PDZRN4: variants seen among roughly 807,000 people sequenced by gnomAD.
PDZRN4 encodes the protein PDZ domain containing ring finger 4.
PDZRN4 carries 70 observed loss-of-function variants against 99.0 expected under a neutral mutation model. That is an observed-to-expected ratio of 0.71 (90% CI 0.58 to 0.86). The LOEUF (loss-of-function observed/expected upper bound fraction) is 0.86, where lower values mean the gene tolerates loss of function less well. Ranked by LOEUF, PDZRN4 falls within the 40% of genes least tolerant of loss-of-function variation. The probability of loss-of-function intolerance (pLI) is 0.00; values close to 1 mark genes in which losing one functional copy is unlikely to be tolerated. For synonymous variants in PDZRN4, 551 were observed against 501.6 expected (o/e 1.10, Z -1.32); for missense variants, 1,474 against 1,331.2 (o/e 1.11, Z -1.67).
chr12:41,444,802 A>G (rs1043648503), intron 3 of PDZRN4, among the ~76,000 whole-genome samples: 2 of 152,088 alleles, frequency 1.3e-5, no homozygotes, highest in African/African-American at 2.4e-5. Context: ...ATCTTGAGCT[A>G]TGATGTTCAG....
At chr12:41,483,302 C>T (rs1316586164) in intron 3 of PDZRN4, among the ~76,000 whole-genome samples, 1 of 152,094 alleles carries the variant, frequency 6.6e-6, no homozygotes, top group Non-Finnish European at 1.5e-5. Flanking sequence ...CAAGATCCTA[C>T]ACAGTAAGCT....
chr12:41,325,752 A>G (rs961443215), intron 3 of PDZRN4, among the ~76,000 whole-genome samples: 1 of 150,264 alleles, frequency 6.7e-6, no homozygotes, highest in African/African-American at 2.4e-5. Flanking sequence ...AGTCAGAGTG[A>G]TTAAAAAACA....
At position 41,188,352 on chromosome 12, in the gene PDZRN4, G is replaced by A; in HGVS notation, c.-104G>A. On this transcript the variant is annotated 5_prime_UTR_variant, in exon 1 of 10. Transcript: ENST00000402685. Reference sequence around the variant, plus strand: ...CTCCCACCCGCCACCTCCCTCCACTGCCGCCGCCGCGAGACGGCTGCCCCG... The same window carrying A: ...CTCCCACCCGCCACCTCCCTCCACTACCGCCGCCGCGAGACGGCTGCCCCG... The A allele has an allele frequency of 8.7e-7, 1 of 1,154,764 alleles. No homozygotes were observed. The allele number at this position is 1,154,764 out of a possible 1,614,324, so 71.5% of individuals were successfully genotyped here. A position where few individuals can be genotyped will look rare whatever the true frequency, so the allele number is the denominator to read the frequency against.
At chr12:41,414,439 A>T (rs1489381830) in intron 3 of PDZRN4, among the ~76,000 whole-genome samples, 1 of 152,108 alleles carries the variant, frequency 6.6e-6, no homozygotes, top group Non-Finnish European at 1.5e-5. Context: ...TTTATTTCTC[A>T]AGAATGCCAA....
At chr12:41,207,276 G>A (rs902546138) in intron 3 of PDZRN4, among the ~76,000 whole-genome samples, 1 of 151,614 alleles carries the variant, frequency 6.6e-6, no homozygotes. Flanking sequence ...TTCAGTCATT[G>A]AGGCATACTT....
chr12:41,320,820 A>G (rs1010691169), intron 3 of PDZRN4, among the ~76,000 whole-genome samples: 4 of 152,220 alleles, frequency 2.6e-5, no homozygotes, highest in Non-Finnish European at 4.4e-5. Context: ...CAAGTTAATT[A>G]GAATAAATAA....
intron 3 of PDZRN4, among the ~76,000 whole-genome samples, chr12:41,353,188 T>A (rs1951903508): frequency 6.6e-6 from 1 of 152,016 alleles, no homozygotes; most frequent in East Asian, 1.9e-4. Context: ...CAGAATAGGA[T>A]TTTTTTTCTT....
At chr12:41,268,957 G>T (rs1951296789) in intron 3 of PDZRN4, among the ~76,000 whole-genome samples, 3 of 152,272 alleles carry the variant, frequency 2.0e-5, no homozygotes, top group South Asian at 4.1e-4. Context: ...ATACAATTCT[G>T]TATAGTAACC....
chr12:41,279,498 A>G (rs1165310984), intron 3 of PDZRN4, among the ~76,000 whole-genome samples: 2 of 152,200 alleles, frequency 1.3e-5, no homozygotes, highest in African/African-American at 4.8e-5. Flanking sequence ...GTTTCCAACA[A>G]TAAGTAGGAG....
At chr12:41,378,520 A>ATTT (rs71081733) in intron 3 of PDZRN4, among the ~76,000 whole-genome samples, 53 of 102,842 alleles carry the variant, frequency 5.2e-4, no homozygotes, top group Middle Eastern at 8.1e-3. Context: ...TCTGTCTTCA[A>ATTT]TTTTTTTTTT....
At chr12:41,324,546 A>C (rs1406356570) in intron 3 of PDZRN4, among the ~76,000 whole-genome samples, 2 of 152,140 alleles carry the variant, frequency 1.3e-5, no homozygotes, top group Non-Finnish European at 2.9e-5. Flanking sequence ...GTTTACACAC[A>C]GATCTCTACA....
At chr12:41,298,094 T>C (rs945696296) in intron 3 of PDZRN4, among the ~76,000 whole-genome samples, 1 of 152,206 alleles carries the variant, frequency 6.6e-6, no homozygotes, top group African/African-American at 2.4e-5. Flanking sequence ...TTTTCTAGTC[T>C]AAACCTATGT....
At chr12:41,542,605 A>G (rs1938876824) in intron 5 of PDZRN4, among the ~76,000 whole-genome samples, 1 of 152,174 alleles carries the variant, frequency 6.6e-6, no homozygotes, top group Non-Finnish European at 1.5e-5. Context: ...TCCAGGTCGG[A>G]ATGACTTGAT....
intron 3 of PDZRN4, among the ~76,000 whole-genome samples, chr12:41,220,264 A>T (rs1210623732): frequency 1.3e-5 from 2 of 152,028 alleles, no homozygotes; most frequent in African/African-American, 4.8e-5. Context: ...TTTCCTTGGC[A>T]TGTAGGTGGC....
intron 3 of PDZRN4, among the ~76,000 whole-genome samples, chr12:41,317,379 C>G (rs539708371): frequency 6.6e-6 from 1 of 151,882 alleles, no homozygotes; most frequent in South Asian, 2.1e-4. Context: ...TCTTTTTTCT[C>G]TTAAGATCTT....
At chr12:41,465,388 C>T (rs562008219) in intron 3 of PDZRN4, among the ~76,000 whole-genome samples, 2 of 152,252 alleles carry the variant, frequency 1.3e-5, no homozygotes, top group African/African-American at 4.8e-5. Context: ...CATCTAACAA[C>T]TGAGGTTATT....
chr12:41,315,093 CT>C (rs1379980252), intron 3 of PDZRN4, among the ~76,000 whole-genome samples: 1 of 152,110 alleles, frequency 6.6e-6, no homozygotes, highest in Non-Finnish European at 1.5e-5. Flanking sequence ...GCATTTCTTA[CT>C]CTTTCTGAAT....
At chr12:41,267,168 G>A (rs1951283523) in intron 3 of PDZRN4, among the ~76,000 whole-genome samples, 1 of 152,178 alleles carries the variant, frequency 6.6e-6, no homozygotes, top group Non-Finnish European at 1.5e-5. Flanking sequence ...TGGATAATGT[G>A]AAAACTGCTT....
chr12:41,400,300 T>C (rs1400972611), intron 3 of PDZRN4, among the ~76,000 whole-genome samples: 1 of 152,152 alleles, frequency 6.6e-6, no homozygotes, highest in African/African-American at 2.4e-5. Context: ...GATAGGCTAA[T>C]ATCAGCAAAA....
Sources: gnomAD v4.1 joint callset for allele counts (sites outside exome capture counted in the v4.1 genomes callset) on GRCh38, gnomAD v4.1.1 for gene constraint, MANE v1.5 for transcripts, NCBI Gene and HGNC (gene_info 2026-07-23, HGNC 2026-07-21) for gene names.